Variants in NRG1 observed in about 807,000 individuals in gnomAD.
NRG1 encodes the protein neuregulin 1.
Under a neutral mutation model 63.8 loss-of-function variants are expected in NRG1, and 18 were observed. That is an observed-to-expected ratio of 0.28 (90% CI 0.19 to 0.42). The LOEUF is 0.42. NRG1 is among the 10% of genes least tolerant of loss of function. The probability of loss-of-function intolerance (pLI) is 1.00; values close to 1 mark genes in which losing one functional copy is unlikely to be tolerated. For missense variants in NRG1, 762 were observed against 814.7 expected, an observed-to-expected ratio of 0.94 and a Z score of 0.79; for synonymous variants, 302 against 301.3, an observed-to-expected ratio of 1.00 and a Z score of -0.02.
At chr8:32,113,834 A>G (rs1832355379) in intron 1 of NRG1, among the ~76,000 whole-genome samples, 1 of 152,192 alleles carries the variant, frequency 6.6e-6, no homozygotes, top group African/African-American at 2.4e-5. Context: ...TAAAGCTTTT[A>G]GTTGTCTCTG....
At chr8:31,809,243 G>T (rs762250894) in intron 1 of NRG1, among the ~76,000 whole-genome samples, 22 of 149,236 alleles carry the variant, frequency 1.5e-4, no homozygotes, top group Middle Eastern at 3.5e-3. Context: ...TCTAAGTGCT[G>T]GTCTTGTTTA....
chr8:32,385,271 C>T (rs559759223), intron 1 of NRG1, among the ~76,000 whole-genome samples: 84 of 152,178 alleles, frequency 5.5e-4, no homozygotes, highest in African/African-American at 1.8e-3. Flanking sequence ...GTGATCCACC[C>T]GCCTTGGCCT....
intron 1 of NRG1, among the ~76,000 whole-genome samples, chr8:31,875,359 C>A (rs1300388679): frequency 6.6e-6 from 1 of 152,040 alleles, no homozygotes; most frequent in Admixed American, 6.5e-5. Flanking sequence ...GCTTGAGAGG[C>A]AACAATAAAG....
intron 1 of NRG1, among the ~76,000 whole-genome samples, chr8:32,335,478 T>C (rs1803150370): frequency 6.6e-6 from 1 of 152,156 alleles, no homozygotes; most frequent in South Asian, 2.1e-4. Flanking sequence ...CAGCTTTTCC[T>C]CCTTAGGCCA....
chr8:31,790,137 C>T (rs139343987), intron 1 of NRG1, among the ~76,000 whole-genome samples: 20 of 152,246 alleles, frequency 1.3e-4, no homozygotes, highest in Admixed American at 3.9e-4. Flanking sequence ...ATACACATTT[C>T]AGGCATTATA....
chr8:32,740,085 G>A (rs987153964), intron 6 of NRG1, among the ~76,000 whole-genome samples: 9 of 151,158 alleles, frequency 6.0e-5, no homozygotes, highest in Admixed American at 5.3e-4. Flanking sequence ...TAAGTTATAT[G>A]AAAAAAGTTC....
At chr8:32,632,908 T>C (rs1490433338) in intron 5 of NRG1, among the ~76,000 whole-genome samples, 1 of 152,238 alleles carries the variant, frequency 6.6e-6, no homozygotes, top group African/African-American at 2.4e-5. Flanking sequence ...TCAGGACTCA[T>C]GTTTAGTCAA....
At chr8:32,426,012 T>C (rs1563448255) in intron 1 of NRG1, among the ~76,000 whole-genome samples, 1 of 152,146 alleles carries the variant, frequency 6.6e-6, no homozygotes. Context: ...CTCTACATAA[T>C]GGCTATAAAG....
chr8:32,274,685 A>G (rs1851904461), intron 1 of NRG1, among the ~76,000 whole-genome samples: 1 of 152,142 alleles, frequency 6.6e-6, no homozygotes, highest in Admixed American at 6.6e-5. Context: ...CAGTTTTACC[A>G]TCTTCCCTAT....
intron 2 of NRG1, among the ~76,000 whole-genome samples, chr8:32,599,599 GA>G (rs749593552): frequency 5.3e-4 from 81 of 152,274 alleles, no homozygotes; most frequent in Non-Finnish European, 1.1e-3. Context: ...TGGGGCCAAT[GA>G]AAAGAAATGG....
At chr8:32,548,408 C>G (rs921928057) in exon 1 of NRG1, 11 of 1,093,786 alleles carry the variant, frequency 1.0e-5, no homozygotes, top group Non-Finnish European at 1.2e-5. Flanking sequence ...TAACCTCTCC[C>G]CGATCGGGTT....
At chr8:32,569,711 C>T (rs748441459) in intron 1 of NRG1, among the ~76,000 whole-genome samples, 3 of 150,180 alleles carry the variant, frequency 2.0e-5, no homozygotes, top group Non-Finnish European at 3.0e-5. Context: ...ATAGAAATCA[C>T]CATTTTTTAA....
At chr8:31,929,397 T>G (rs1415948324) in intron 1 of NRG1, among the ~76,000 whole-genome samples, 1 of 152,088 alleles carries the variant, frequency 6.6e-6, no homozygotes, top group African/African-American at 2.4e-5. Context: ...ATAATTTGGA[T>G]TTTTGAATAG....
intron 1 of NRG1, among the ~76,000 whole-genome samples, chr8:32,035,527 A>G (rs945273556): frequency 6.6e-6 from 1 of 152,100 alleles, no homozygotes; most frequent in Non-Finnish European, 1.5e-5. Context: ...TCTGCCTAAT[A>G]TTGACAGTGG....
At chr8:31,866,587 T>C (rs867352647) in intron 1 of NRG1, among the ~76,000 whole-genome samples, 10 of 152,230 alleles carry the variant, frequency 6.6e-5, no homozygotes, top group Middle Eastern at 3.4e-3. Context: ...TGTTGAAAAT[T>C]CTCCTATAAT....
chr8:32,149,404 A>G (rs973921906), intron 1 of NRG1, among the ~76,000 whole-genome samples: 4 of 152,106 alleles, frequency 2.6e-5, no homozygotes, highest in Non-Finnish European at 5.9e-5. Flanking sequence ...CCGGTCTGGA[A>G]TACCTTCCCC....
In NRG1 at chr8:31,639,410, GC is replaced by G. The variant is rs935218110; in HGVS notation, c.17del (p.Ala6GlyfsTer13). On this transcript the variant is annotated frameshift_variant, in exon 1 of 11. Coordinates refer to the NRG1 transcript ENST00000519301. LOFTEE classifies it high-confidence loss of function. The stretch of plus-strand genomic sequence containing the variant: ...CGGCAGCAGCATGGGGAAAGGACGC[GC>G]GGGCCGAGTTGGCACCACAGGTAAA... 6 of 1,534,780 alleles carry G rather than the reference GC, an allele frequency of 3.9e-6. No individual in the cohort carries two copies. In the African/African-American group the frequency reaches 8.2e-5, roughly 21 times the overall value.
intron 1 of NRG1, among the ~76,000 whole-genome samples, chr8:31,670,547 C>A (rs1807019924): frequency 6.6e-6 from 1 of 151,368 alleles, no homozygotes; most frequent in Non-Finnish European, 1.5e-5. Context: ...TACTACTGTA[C>A]AGCTGAGAAT....
chr8:31,998,686 C>G (rs910352678), intron 1 of NRG1, among the ~76,000 whole-genome samples: 1 of 151,960 alleles, frequency 6.6e-6, no homozygotes, highest in African/African-American at 2.4e-5. Flanking sequence ...AGAGTAACCA[C>G]CACACTGACA....
Sources: gnomAD v4.1 joint callset for allele counts (sites outside exome capture counted in the v4.1 genomes callset) on GRCh38, gnomAD v4.1.1 for gene constraint, MANE v1.5 for transcripts, NCBI Gene and HGNC (gene_info 2026-07-23, HGNC 2026-07-21) for gene names.